The following OR10H5 variants were observed in gnomAD, a reference collection of about 807,000 sequenced individuals.
OR10H5 encodes the protein olfactory receptor family 10 subfamily H member 5.
A neutral mutation model predicts 12.2 loss-of-function variants in OR10H5; 7 were observed. The observed-to-expected ratio is 0.57, with a 90% CI of 0.33 to 1.07. The LOEUF (loss-of-function observed/expected upper bound fraction) is 1.07, where lower values mean the gene tolerates loss of function less well. Ranked by LOEUF, OR10H5 falls within the 50% of genes least tolerant of loss-of-function variation. The probability of loss-of-function intolerance (pLI) is 0.04; values close to 1 mark genes in which losing one functional copy is unlikely to be tolerated. For synonymous variants in OR10H5, 159 were observed against 175.1 expected (o/e 0.91, Z 0.73); for missense variants, 346 against 411.6 (o/e 0.84, Z 1.38).
In OR10H5 at chr19:15,798,751, C is replaced by CTTTTTTT. The variant is rs60535843; in HGVS notation, c.*3772_*3778dup. On this transcript the variant is annotated 3_prime_UTR_variant, in exon 2 of 2. Coordinates refer to ENST00000642092, the MANE Select transcript of OR10H5 (RefSeq NM_001004466.2). ...CTGTCTGCCAAGCAGCTAGAAGGAGCTTTTTTTTTTTTTTTTTTTTTTTGA... is the reference window on the plus strand; with the variant it reads ...CTGTCTGCCAAGCAGCTAGAAGGAGCTTTTTTTTTTTTTTTTTTTTTTTTTTTTTTGA... 8.5e-5 allele frequency: 6 copies of CTTTTTTT among 70,960 alleles called. No homozygotes were observed. The highest frequency in any genetic ancestry group is 7.1e-5 in the Non-Finnish European group (3 of 42,038). The allele number at this position is 70,960 out of a possible 1,614,324, so 4.4% of individuals were successfully genotyped here.
chr19:15,794,124 A>C lies in OR10H5; in HGVS notation c.76A>C (p.Met26Leu). ...CTCTGCCTTCCCCCACCTCCAGCTG[A>C]TGCTCTTCCTGCTGTTCCTGCTGAT... ...GFSAFPHLQLMLFLLFLLMYL... is the reference protein window; with the variant it reads ...GFSAFPHLQLLLFLLFLLMYL... Residue 26 changes from methionine to leucine, a missense_variant, in exon 2 of 2, where the codon ATG (methionine) becomes CTG (leucine). Physicochemically the swap from Met to Leu is conservative, Grantham distance 15. Coordinates refer to ENST00000642092, the MANE Select transcript of OR10H5 (RefSeq NM_001004466.2). 6.2e-7 allele frequency: 1 copy of C among 1,613,702 alleles called. No individual in the cohort carries two copies. The highest frequency in any genetic ancestry group is 8.5e-7 in the Non-Finnish European group (1 of 1,179,912).
intron 1 of OR10H5, among the ~76,000 whole-genome samples, chr19:15,790,817 A>G (rs1198952582): frequency 3.9e-5 from 6 of 152,176 alleles, no homozygotes; most frequent in Admixed American, 3.9e-4. Flanking sequence ...TGGTATTCTG[A>G]GTCCTCCAAG....
intron 1 of OR10H5, among the ~76,000 whole-genome samples, chr19:15,792,932 C>A (rs559342484): frequency 5.9e-5 from 9 of 151,876 alleles, no homozygotes; most frequent in Non-Finnish European, 1.2e-4. Context: ...AACCCACGGT[C>A]CCCTAGCTCT....
intron 1 of OR10H5, among the ~76,000 whole-genome samples, chr19:15,788,839 ACT>A (rs2088796269): frequency 6.6e-6 from 1 of 151,500 alleles, no homozygotes; most frequent in South Asian, 2.1e-4. Context: ...TCTGTAAAAG[ACT>A]CTATTGCCAC....
At position 15,797,622 on chromosome 19, in the gene OR10H5, A is replaced by G. The variant is rs2088846829; in HGVS notation, c.*2626A>G. The G allele has an allele frequency of 6.6e-6, 1 of 152,198 alleles. No individual in the cohort carries two copies. The highest frequency in any genetic ancestry group is 2.4e-5 in the African/African-American group (1 of 41,442). The allele number at this position is 152,198 out of a possible 1,614,324, so 9.4% of individuals were successfully genotyped here. ...GTTGGGCTTAGTGTTGTTTTTATACATGGCATATTCTAGACCCTGAGGGCC... is the reference window on the plus strand; with the variant it reads ...GTTGGGCTTAGTGTTGTTTTTATACGTGGCATATTCTAGACCCTGAGGGCC... On this transcript the variant is annotated 3_prime_UTR_variant, in exon 2 of 2. Coordinates refer to ENST00000642092, the MANE Select transcript of OR10H5 (RefSeq NM_001004466.2).
chr19:15,798,535 C>T lies in OR10H5; in HGVS notation c.*3539C>T, dbSNP rs374911832. 3 of 152,182 alleles carry T rather than the reference C, an allele frequency of 2.0e-5. No individual in the cohort carries two copies. The highest frequency in any genetic ancestry group is 7.2e-5 in the African/African-American group (3 of 41,420). The allele number at this position is 152,182 out of a possible 1,614,324, so 9.4% of individuals were successfully genotyped here. ...GCTTCAGGGACCTGCTCCCTGAGTT[C>T]CTTGGAGCCCAGTGTTGTAGTCCTA... On this transcript the variant is annotated 3_prime_UTR_variant, in exon 2 of 2. Coordinates refer to ENST00000642092, the MANE Select transcript of OR10H5 (RefSeq NM_001004466.2).
chr19:15,797,933 T>C lies in OR10H5; in HGVS notation c.*2937T>C, dbSNP rs2088848710. 6.7e-6 allele frequency: 1 copy of C among 150,080 alleles called. No individual in the cohort carries two copies. The allele number at this position is 150,080 out of a possible 1,614,324, so 9.3% of individuals were successfully genotyped here. A position where few individuals can be genotyped will look rare whatever the true frequency, so the allele number is the denominator to read the frequency against. On this transcript the variant is annotated 3_prime_UTR_variant, in exon 2 of 2. Coordinates refer to ENST00000642092, the MANE Select transcript of OR10H5 (RefSeq NM_001004466.2). ...TGTGGTGTGCGTGTGTGGTCCCAGC[T>C]ACTCGAGAGGCTGAGGCAGGATAAT...
At chr19:15,793,983 T>TA in intron 1 of OR10H5, 55 bp from the exon 2 acceptor site, 1 of 1,470,298 alleles carries the variant, frequency 6.8e-7, no homozygotes, top group East Asian at 2.3e-5. Flanking sequence ...TGGGAGTCAC[T>TA]AGACACCCCT....
chr19:15,794,011 G>A, intron 1 of OR10H5, 27 bp from the exon 2 acceptor site: 2 of 1,576,710 alleles, frequency 1.3e-6, no homozygotes, highest in Non-Finnish European at 1.7e-6. Context: ...TAACCACTGG[G>A]TCTTCTTTCC....
At chr19:15,792,624 C>T (rs1231642938) in intron 1 of OR10H5, among the ~76,000 whole-genome samples, 4 of 152,010 alleles carry the variant, frequency 2.6e-5, no homozygotes, top group Non-Finnish European at 5.9e-5. Context: ...TGTCACCATG[C>T]CCAGGTAATT....
chr19:15,796,334 A>G lies in OR10H5; in HGVS notation c.*1338A>G, dbSNP rs1398956061. On this transcript the variant is annotated 3_prime_UTR_variant, in exon 2 of 2. Coordinates refer to ENST00000642092, the MANE Select transcript of OR10H5 (RefSeq NM_001004466.2). ...CCAGAACTAGAAATATGCTGTCTCT[A>G]TGGGTTTAGGAGGAATCACCCAGTG... is the stretch of plus-strand genomic sequence containing the variant. The G allele has an allele frequency of 2.6e-5, 4 of 152,226 alleles. No individual in the cohort carries two copies. The highest frequency in any genetic ancestry group is 7.2e-5 in the African/African-American group (3 of 41,452). The allele number at this position is 152,226 out of a possible 1,614,324, so 9.4% of individuals were successfully genotyped here.
intron 1 of OR10H5, among the ~76,000 whole-genome samples, chr19:15,788,709 G>A (rs962504460): frequency 3.3e-5 from 5 of 151,832 alleles, no homozygotes; most frequent in African/African-American, 9.7e-5. Context: ...GGCTGGTCTC[G>A]AACTCCTGGA....
chr19:15,795,021 T>G lies in OR10H5; in HGVS notation c.*25T>G, dbSNP rs73509292. On this transcript the variant is annotated 3_prime_UTR_variant, in exon 2 of 2. Transcript: ENST00000642092. ...AAATGGCTGACTTTCTCTCAAGAGA[T>G]GTAGCGAATGGGAACACTTTAGTCT... is the stretch of plus-strand genomic sequence containing the variant. 6 of 1,600,872 alleles carry G rather than the reference T, an allele frequency of 3.7e-6. No individual in the cohort carries two copies. The highest frequency in any genetic ancestry group is 5.1e-6 in the Non-Finnish European group (6 of 1,170,980).
chr19:15,794,430 C>T lies in OR10H5; in HGVS notation c.382C>T (p.His128Tyr), dbSNP rs751633313. 6.2e-7 allele frequency: 1 copy of T among 1,614,254 alleles called. No individual in the cohort carries two copies. Among genetic ancestry groups the T allele is most frequent in the Non-Finnish European group, 8.5e-7 (1 of 1,180,054 alleles). ...MGYDRYVAIC[H>Y]PLRYNVLMSL... ...CTACGACCGCTACGTGGCCATCTGC[C>T]ACCCCCTGCGTTACAACGTGCTCAT... Residue 128 changes from histidine to tyrosine, a missense_variant, in exon 2 of 2, where the codon CAC becomes TAC. Coordinates refer to ENST00000642092, the MANE Select transcript of OR10H5 (RefSeq NM_001004466.2).
At chr19:15,789,296 G>T (rs1376048223) in intron 1 of OR10H5, among the ~76,000 whole-genome samples, 1 of 152,218 alleles carries the variant, frequency 6.6e-6, no homozygotes, top group South Asian at 2.1e-4. Context: ...GTGCATTTCA[G>T]AGCCAGTGCG....
Position 15,795,077 on chromosome 19 carries a change from C to T in OR10H5, c.*81C>T. The T allele has an allele frequency of 2.5e-6, 3 of 1,182,898 alleles. No homozygotes were observed. The highest frequency in any genetic ancestry group is 3.6e-6 in the Non-Finnish European group (3 of 841,720). 73.3% of individuals were successfully genotyped at this position (1,182,898 alleles called of 1,614,324 possible). ...CTTTATTTCTTTTCCTTTCCTCCCT[C>T]CCTCCTTTCCTCCCTCCCTCCCTTC... On this transcript the variant is annotated 3_prime_UTR_variant, in exon 2 of 2. Coordinates refer to ENST00000642092, the MANE Select transcript of OR10H5 (RefSeq NM_001004466.2).
At position 15,797,282 on chromosome 19, in the gene OR10H5, C is replaced by T. The variant is rs138860836; in HGVS notation, c.*2286C>T. On this transcript the variant is annotated 3_prime_UTR_variant, in exon 2 of 2. Coordinates refer to ENST00000642092, the MANE Select transcript of OR10H5 (RefSeq NM_001004466.2). ...TTGTCATGGAAAAGAGAATGTTATACCCTGTTTATACCCCACGTGTCCTGG... is the reference window on the plus strand; with the variant it reads ...TTGTCATGGAAAAGAGAATGTTATATCCTGTTTATACCCCACGTGTCCTGG... 36 of 152,296 alleles carry T rather than the reference C, an allele frequency of 2.4e-4. No homozygotes were observed. The highest frequency in any genetic ancestry group is 7.9e-4 in the African/African-American group (33 of 41,552). The allele number at this position is 152,296 out of a possible 1,614,324, so 9.4% of individuals were successfully genotyped here. A position where few individuals can be genotyped will look rare whatever the true frequency, so the allele number is the denominator to read the frequency against.
At position 15,787,718 on chromosome 19, in the gene OR10H5, T is replaced by G. The variant is rs375904140; in HGVS notation, c.-12+2T>G. 3.9e-5 allele frequency: 6 copies of G among 152,064 alleles called. No individual in the cohort carries two copies. The highest frequency in any genetic ancestry group is 1.5e-4 in the African/African-American group (6 of 41,308). The allele number at this position is 152,064 out of a possible 1,614,324, so 9.4% of individuals were successfully genotyped here. Reference sequence around the variant, plus strand: ...CGTCCCTAAAGGTCTCTGATGAAGGTAAGTGGAGTCGTCTATTTCCAAACC... The same window carrying G: ...CGTCCCTAAAGGTCTCTGATGAAGGGAAGTGGAGTCGTCTATTTCCAAACC... On this transcript the variant is annotated splice_donor_variant, in intron 1 of 1. Transcript: ENST00000642092. LOFTEE classifies it low-confidence loss of function (5UTR_SPLICE).
Position 15,799,363 on chromosome 19 carries a change from C to T in OR10H5, c.*4367C>T, listed in dbSNP as rs2088856308. 6.6e-6 allele frequency: 1 copy of T among 152,068 alleles called. No individual in the cohort carries two copies. 9.4% of individuals were successfully genotyped at this position (152,068 alleles called of 1,614,324 possible). A position where few individuals can be genotyped will look rare whatever the true frequency, so the allele number is the denominator to read the frequency against. On this transcript the variant is annotated 3_prime_UTR_variant, in exon 2 of 2. Coordinates refer to ENST00000642092, the MANE Select transcript of OR10H5 (RefSeq NM_001004466.2). ...TTGCATTATTGGGGGTATTAGAAGACACTGGCTTTTGGCAAGAGGAGTCTA... is the reference window on the plus strand; with the variant it reads ...TTGCATTATTGGGGGTATTAGAAGATACTGGCTTTTGGCAAGAGGAGTCTA...
Sources: gnomAD v4.1 joint callset for allele counts (sites outside exome capture counted in the v4.1 genomes callset) on GRCh38, gnomAD v4.1.1 for gene constraint, MANE v1.5 for transcripts, NCBI Gene and HGNC (gene_info 2026-07-23, HGNC 2026-07-21) for gene names.